The following ZNF700 variants were observed in gnomAD, a reference collection of about 807,000 sequenced individuals.
ZNF700 encodes the protein zinc finger protein 700.
A neutral mutation model predicts 65.3 loss-of-function variants in ZNF700; 38 were observed. The ratio of observed to expected loss-of-function variants is 0.58; its 90% CI spans 0.45 to 0.76. The LOEUF is 0.76. Among genes scored for constraint, ZNF700 ranks in the 30% least tolerant of loss-of-function variants. The pLI, the probability that ZNF700 is intolerant of heterozygous loss-of-function variation, is 0.00. For synonymous variants in ZNF700, 285 were observed against 290.4 expected, an observed-to-expected ratio of 0.98 and a Z score of 0.19; for missense variants, 857 against 888.4, an observed-to-expected ratio of 0.96 and a Z score of 0.45.
At chr19:11,929,032 C>T (rs1001549126) in intron 1 of ZNF700, among the ~76,000 whole-genome samples, 1 of 148,396 alleles carries the variant, frequency 6.7e-6, no homozygotes, top group African/African-American at 2.6e-5. Flanking sequence ...GGAAAGAAGG[C>T]GAATCTGTAA....
chr19:11,928,051 A>T (rs1417173858), intron 1 of ZNF700, among the ~76,000 whole-genome samples: 1 of 151,986 alleles, frequency 6.6e-6, no homozygotes, highest in Non-Finnish European at 1.5e-5. Context: ...AGCCTAGAGC[A>T]GTGGTGCGAT....
chr19:11,928,150 C>T (rs1972660259), intron 1 of ZNF700, among the ~76,000 whole-genome samples: 1 of 152,050 alleles, frequency 6.6e-6, no homozygotes, highest in Admixed American at 6.6e-5. Context: ...GCACACCTGG[C>T]TAATTTTTTA....
chr19:11,946,284 G>A (rs962238841), intron 1 of ZNF700, among the ~76,000 whole-genome samples: 3 of 152,156 alleles, frequency 2.0e-5, no homozygotes, highest in Non-Finnish European at 2.9e-5. Context: ...TGTTCTGGGT[G>A]GTCTAGGGGT....
intron 1 of ZNF700, among the ~76,000 whole-genome samples, chr19:11,926,310 C>A (rs528779531): frequency 6.6e-6 from 1 of 152,306 alleles, no homozygotes; most frequent in South Asian, 2.1e-4. Context: ...CACCTCCCAT[C>A]CTGTCATACA....
chr19:11,933,813 C>A (rs1972749270), intron 1 of ZNF700, among the ~76,000 whole-genome samples: 1 of 143,818 alleles, frequency 7.0e-6, no homozygotes, highest in South Asian at 2.1e-4. Context: ...CCACTGCACT[C>A]TAGCCTGGGT....
At position 11,950,359 on chromosome 19, in the gene ZNF700, G is replaced by T. The variant is rs1481313207; in HGVS notation, c.*106G>T. 39 of 1,181,078 alleles carry T rather than the reference G, an allele frequency of 3.3e-5. No individual in the cohort carries two copies. Among genetic ancestry groups the T allele is most frequent in the Non-Finnish European group, 4.2e-5 (34 of 812,260 alleles). The allele number at this position is 1,181,078 out of a possible 1,614,324, so 73.2% of individuals were successfully genotyped here. A position where few individuals can be genotyped will look rare whatever the true frequency, so the allele number is the denominator to read the frequency against. On this transcript the variant is annotated 3_prime_UTR_variant, in exon 4 of 4. Coordinates refer to ENST00000254321, the MANE Select transcript of ZNF700 (RefSeq NM_144566.3). ...ATTTTCCAGTTCTTTTCGATATCAT[G>T]AAAGGACTCACACTGGGGAGAAACC...
intron 1 of ZNF700, among the ~76,000 whole-genome samples, chr19:11,937,618 A>G (rs1252442909): frequency 6.6e-6 from 1 of 151,146 alleles, no homozygotes; most frequent in African/African-American, 2.4e-5. Flanking sequence ...CCTCCCGAGT[A>G]ACTGAGACTA....
At chr19:11,947,397 G>C in intron 2 of ZNF700, 90 bp downstream of exon 2, 1 of 1,605,432 alleles carries the variant, frequency 6.2e-7, no homozygotes, top group South Asian at 1.1e-5. Flanking sequence ...AACATAGACA[G>C]GAAATACCTT....
At chr19:11,938,697 T>C (rs1199520048) in intron 1 of ZNF700, among the ~76,000 whole-genome samples, 1 of 152,244 alleles carries the variant, frequency 6.6e-6, no homozygotes, top group East Asian at 1.9e-4. Flanking sequence ...CATGTGCATG[T>C]GTCTTTATAG....
Position 11,949,557 on chromosome 19 carries a change from T to C in ZNF700, c.1533T>C (p.Ser511=), listed in dbSNP as rs1178389320. The change falls in exon 4 of 4, where the codon AGT becomes AGC. Residue 511 remains serine, a synonymous_variant. Coordinates refer to ENST00000254321, the MANE Select transcript of ZNF700 (RefSeq NM_144566.3). The part of the protein sequence containing the change: ...MPSGERPYKC[S]ICEKGFYSAK... ...CTGGAGAAAGACCTTATAAATGTAG[T>C]ATATGTGAGAAAGGCTTTTATTCTG... The C allele has an allele frequency of 6.2e-7, 1 of 1,607,856 alleles. No individual in the cohort carries two copies. The highest frequency in any genetic ancestry group is 1.4e-5 in the African/African-American group (1 of 73,082).
intron 1 of ZNF700, among the ~76,000 whole-genome samples, 153 bp downstream of exon 1, chr19:11,925,426 C>T (rs950860533): frequency 2.6e-5 from 4 of 152,188 alleles, no homozygotes; most frequent in Non-Finnish European, 5.9e-5. Flanking sequence ...TCCCCTTGGC[C>T]GCTGGACGGG....
rs143468848 is a variant in ZNF700 at position 11,944,270 on chromosome 19, T to C, written c.64-2911T>C. ...ATACTATGGGAGGAGGGCTATGATA[T>C]AATATTTCATAAGGGGAATATCCTG... On this transcript the variant is annotated intron_variant, in intron 1 of 3. Coordinates refer to ENST00000254321, the MANE Select transcript of ZNF700 (RefSeq NM_144566.3). 6.6e-5 allele frequency among the ~76,000 whole-genome samples: 10 copies of C among 152,332 alleles called. No homozygotes were observed. In the East Asian group the frequency reaches 1.2e-3, roughly 18 times the overall value.
intron 1 of ZNF700, among the ~76,000 whole-genome samples, chr19:11,933,343 A>C (rs1972742617): frequency 6.7e-6 from 1 of 148,350 alleles, no homozygotes; most frequent in South Asian, 2.1e-4. Flanking sequence ...ACATGTGAAC[A>C]CGATGAAAAT....
In ZNF700 at chr19:11,950,234, G is replaced by A; in HGVS notation, c.2210G>A (p.Cys737Tyr). 2.5e-6 allele frequency: 4 copies of A among 1,610,810 alleles called. No homozygotes were observed. The highest frequency in any genetic ancestry group is 3.4e-6 in the Non-Finnish European group (4 of 1,178,976). The change falls in exon 4 of 4, where the codon TGT becomes TAT. Residue 737 changes from cysteine to tyrosine, a missense_variant. Cys to Tyr is a radical substitution (Grantham distance 194, BLOSUM62 -2). Around this residue, in one of 3 missense-constraint regions of ZNF700, gnomAD observed 251 missense variants for 250.3 expected, o/e 1.00. Coordinates refer to ENST00000254321, the MANE Select transcript of ZNF700 (RefSeq NM_144566.3). The part of the protein sequence containing the change: ...MGEKPYECKD[C>Y]GKAFS ...GAGAAGCCATATGAATGTAAGGATT[G>A]TGGGAAAGCATTCAGCTAGCCTGGT... is the stretch of plus-strand genomic sequence containing the variant.
chr19:11,947,234 A>G lies in ZNF700; in HGVS notation c.117A>G (p.Thr39=), dbSNP rs760975029. The G allele has an allele frequency of 6.2e-7, 1 of 1,614,094 alleles. No homozygotes were observed. The highest frequency in any genetic ancestry group is 1.1e-5 in the South Asian group (1 of 91,060). The part of the protein sequence containing the change: ...VAVNFTQEEW[T]LLDISQKNLF... ...TGAACTTCACCCAGGAAGAGTGGAC[A>G]TTGCTGGATATTTCCCAGAAGAATC... Residue 39 remains threonine (T), a synonymous_variant, in exon 2 of 4, where the codon ACA becomes ACG. Coordinates refer to ENST00000254321, the MANE Select transcript of ZNF700 (RefSeq NM_144566.3).
In ZNF700 at chr19:11,950,437, T is replaced by A. The variant is rs1318273591; in HGVS notation, c.*184T>A. 4 of 724,198 alleles carry A rather than the reference T, an allele frequency of 5.5e-6. No homozygotes were observed. The East Asian group carries it at 1.0e-4, about 19-fold the overall frequency. 44.9% of individuals were successfully genotyped at this position (724,198 alleles called of 1,614,324 possible). A position where few individuals can be genotyped will look rare whatever the true frequency, so the allele number is the denominator to read the frequency against. ...CTTCATTCCTTTTACTTCTTTTCAA[T>A]GTCATGAAAGGACTCACACGGGAGA... On this transcript the variant is annotated 3_prime_UTR_variant, in exon 4 of 4. Coordinates refer to ENST00000254321, the MANE Select transcript of ZNF700 (RefSeq NM_144566.3).
Position 11,947,589 on chromosome 19 carries a change from C to T in ZNF700, c.251+15C>T. The T allele has an allele frequency of 6.2e-7, 1 of 1,610,216 alleles. No individual in the cohort carries two copies. The highest frequency in any genetic ancestry group is 8.5e-7 in the Non-Finnish European group (1 of 1,177,378). ...AGAAGCTTCAGGTAATTTGCATTTCCAAGAGAAAGCAGTGTCTCTCTGCAC... is the reference window on the plus strand; with the variant it reads ...AGAAGCTTCAGGTAATTTGCATTTCTAAGAGAAAGCAGTGTCTCTCTGCAC... On this transcript the variant is annotated intron_variant, in intron 3 of 3. Coordinates refer to ENST00000254321, the MANE Select transcript of ZNF700 (RefSeq NM_144566.3).
chr19:11,941,367 TC>T (rs779193793), intron 1 of ZNF700, among the ~76,000 whole-genome samples: 23 of 152,230 alleles, frequency 1.5e-4, no homozygotes, highest in Non-Finnish European at 1.6e-4. Context: ...TCGGGGAGGC[TC>T]GGGCCGCACA....
chr19:11,936,158 A>G (rs1321435843), intron 1 of ZNF700, among the ~76,000 whole-genome samples: 1 of 150,600 alleles, frequency 6.6e-6, no homozygotes, highest in Non-Finnish European at 1.5e-5. Flanking sequence ...AATAGTGAAT[A>G]TTGCTTTATA....
Sources: allele counts gnomAD v4.1 joint callset (sites outside exome capture counted in the v4.1 genomes callset), GRCh38; gene constraint gnomAD v4.1.1; regional missense constraint gnomAD v4.1.1; transcripts MANE v1.5; gene names NCBI Gene and HGNC (gene_info 2026-07-23, HGNC 2026-07-21).